SPAG16: variants seen among roughly 807,000 people sequenced by gnomAD.
SPAG16 encodes the protein sperm associated antigen 16.
SPAG16 carries 86 observed loss-of-function variants against 80.4 expected under a neutral mutation model. The observed-to-expected ratio is 1.07, with a 90% confidence interval of 0.90 to 1.28. The LOEUF (loss-of-function observed/expected upper bound fraction) is 1.28. Ranked by LOEUF, SPAG16 falls within the 50% of genes most tolerant of loss-of-function variation. The probability of loss-of-function intolerance (pLI) is 0.00; values close to 1 mark genes in which losing one functional copy is unlikely to be tolerated. For missense variants in SPAG16, 870 were observed against 765.3 expected (o/e 1.14, Z -1.61); for synonymous variants, 294 against 265.9 (o/e 1.11, Z -1.03).
chr2:214,357,421 C>G (rs558685151), intron 15 of SPAG16, among the ~76,000 whole-genome samples: 1 of 151,898 alleles, frequency 6.6e-6, no homozygotes, highest in Admixed American at 6.6e-5. Flanking sequence ...ACATCCTGTT[C>G]AATTTCTTTT....
chr2:213,461,004 C>G (rs1195895509), intron 9 of SPAG16, among the ~76,000 whole-genome samples: 1 of 152,006 alleles, frequency 6.6e-6, no homozygotes, highest in East Asian at 1.9e-4. Context: ...CCATTTCTAC[C>G]TCAGAAGAAT....
intron 15 of SPAG16, among the ~76,000 whole-genome samples, chr2:214,257,525 A>G (rs191552976): frequency 5.3e-5 from 8 of 152,132 alleles, no homozygotes; most frequent in Admixed American, 4.6e-4. Flanking sequence ...TAGCTTCTCA[A>G]TTTGCTAAGA....
intron 10 of SPAG16, among the ~76,000 whole-genome samples, chr2:213,745,922 A>G (rs964869148): frequency 6.6e-6 from 1 of 152,184 alleles, no homozygotes; most frequent in Non-Finnish European, 1.5e-5. Flanking sequence ...TAACTTAAGA[A>G]AGGTGGTAGG....
At chr2:214,106,694 A>G (rs1310212763) in intron 13 of SPAG16, among the ~76,000 whole-genome samples, 4 of 152,076 alleles carry the variant, frequency 2.6e-5, no homozygotes, top group African/African-American at 7.2e-5. Context: ...TCATTTTGCA[A>G]TCTCTTCTGT....
rs983218829 is a variant in SPAG16, at chr2:214,148,301, G to A, written c.1594-839G>A. Among the ~76,000 whole-genome samples, 3 of 152,234 alleles carry A rather than the reference G, an allele frequency of 2.0e-5. No homozygotes were observed. The East Asian group carries it at 5.8e-4, about 29-fold the overall frequency. On this transcript the variant is annotated intron_variant, in intron 14 of 15. Transcript: ENST00000331683. ...TCAATAAACATTTCCTGAGAGACCAGCAGGAGGCGTGTAGACAGACCCTGG... is the reference window on the plus strand; with the variant it reads ...TCAATAAACATTTCCTGAGAGACCAACAGGAGGCGTGTAGACAGACCCTGG...
intron 15 of SPAG16, among the ~76,000 whole-genome samples, chr2:214,277,091 C>T (rs990730551): frequency 6.6e-6 from 1 of 152,118 alleles, no homozygotes; most frequent in Admixed American, 6.5e-5. Flanking sequence ...GCTACTGAAG[C>T]TTGTGCATGT....
At chr2:213,392,605 G>T (rs544090915) in intron 9 of SPAG16, among the ~76,000 whole-genome samples, 4 of 152,244 alleles carry the variant, frequency 2.6e-5, no homozygotes, top group Admixed American at 6.5e-5. Context: ...CCAGCACTTT[G>T]GGAGGCCGAG....
intron 10 of SPAG16, among the ~76,000 whole-genome samples, chr2:213,705,218 A>T (rs1039567687): frequency 1.3e-5 from 2 of 151,634 alleles, no homozygotes; most frequent in Admixed American, 1.3e-4. Flanking sequence ...ACTGCGCTCC[A>T]GCCTGGGCAA....
At chr2:213,627,260 G>C (rs1477634452) in intron 10 of SPAG16, among the ~76,000 whole-genome samples, 2 of 152,190 alleles carry the variant, frequency 1.3e-5, no homozygotes, top group Admixed American at 1.3e-4. Flanking sequence ...CGTGGTTAGG[G>C]AGAGAATTAC....
chr2:214,012,866 T>C (rs1448768940), intron 12 of SPAG16, among the ~76,000 whole-genome samples: 3 of 152,146 alleles, frequency 2.0e-5, no homozygotes, highest in Non-Finnish European at 4.4e-5. Context: ...AGATCAGTGG[T>C]TCTCAAACTT....
intron 13 of SPAG16, among the ~76,000 whole-genome samples, chr2:214,076,148 G>C (rs1298072999): frequency 6.6e-6 from 1 of 152,106 alleles, no homozygotes; most frequent in Non-Finnish European, 1.5e-5. Flanking sequence ...CAGTGATATG[G>C]ATAACCCAAA....
At chr2:214,265,491 C>G (rs111540290) in intron 15 of SPAG16, among the ~76,000 whole-genome samples, 2,593 of 152,068 alleles carry the variant, frequency 0.017, 48 homozygotes, top group African/African-American at 0.04. Context: ...GTTTGTTGTA[C>G]ATTTTGGATA....
At chr2:213,592,931 A>G (rs1168619574) in intron 10 of SPAG16, among the ~76,000 whole-genome samples, 1 of 152,192 alleles carries the variant, frequency 6.6e-6, no homozygotes, top group Non-Finnish European at 1.5e-5. Context: ...AACATATTGT[A>G]ATGTATTTTA....
chr2:213,785,433 C>A (rs1356223344), intron 10 of SPAG16, among the ~76,000 whole-genome samples: 1 of 152,136 alleles, frequency 6.6e-6, no homozygotes, highest in African/African-American at 2.4e-5. Flanking sequence ...ATATTCATTT[C>A]ATATTAACAT....
intron 13 of SPAG16, among the ~76,000 whole-genome samples, chr2:214,041,978 G>GTGTATATA (rs1410396491): frequency 4.9e-3 from 568 of 116,318 alleles, no homozygotes; most frequent in Non-Finnish European, 7.5e-3. Context: ...GTCTGTGTGT[G>GTGTATATA]TATATATATA....
intron 15 of SPAG16, among the ~76,000 whole-genome samples, chr2:214,279,911 A>G (rs1692783666): frequency 2.0e-5 from 3 of 152,240 alleles, no homozygotes; most frequent in Non-Finnish European, 4.4e-5. Flanking sequence ...AAGAAATAAA[A>G]AAGTATTTTG....
intron 10 of SPAG16, among the ~76,000 whole-genome samples, chr2:213,531,522 A>G (rs1189462416): frequency 1.3e-5 from 2 of 152,016 alleles, no homozygotes; most frequent in African/African-American, 4.8e-5. Flanking sequence ...TTTCATGGAC[A>G]GAAACTGCAC....
At chr2:213,799,499 G>A (rs1282566230) in intron 10 of SPAG16, among the ~76,000 whole-genome samples, 1 of 152,056 alleles carries the variant, frequency 6.6e-6, no homozygotes. Context: ...TAACATTACA[G>A]AAAACTTAGG....
rs530287386 is a variant in SPAG16, at chr2:213,868,825, A to AATAAATGG, written c.1214+6199_1214+6206dup. ...CTTAGGAGCTGATTCATGAATTGTG[A>AATAAATGG]ATAAATGGACCTCTCCAAAATACCT... On this transcript the variant is annotated intron_variant, in intron 11 of 15. Transcript: ENST00000331683. 2.8e-3 allele frequency among the ~76,000 whole-genome samples: 420 copies of AATAAATGG among 152,320 alleles called. 1 individual carries two copies. Among genetic ancestry groups the AATAAATGG allele is most frequent in the African/African-American group, 9.7e-3 (405 of 41,564 alleles).
Sources: gnomAD v4.1 joint callset for allele counts (sites outside exome capture counted in the v4.1 genomes callset) on GRCh38, gnomAD v4.1.1 for gene constraint, MANE v1.5 for transcripts, NCBI Gene and HGNC (gene_info 2026-07-23, HGNC 2026-07-21) for gene names.